CDC16: variants seen among roughly 807,000 people sequenced by gnomAD.
CDC16 encodes cell division cycle protein 16 homolog.
In CDC16, 34 loss-of-function variants were observed where a neutral mutation model predicts 87.0. The ratio of observed to expected loss-of-function variants is 0.39; its 90% CI spans 0.30 to 0.52. The LOEUF (loss-of-function observed/expected upper bound fraction) is 0.52. CDC16 is among the 20% of genes least tolerant of loss of function. CDC16 has a pLI of 0.74. For missense variants in CDC16, 653 were observed against 751.9 expected (o/e 0.87, Z 1.54); for synonymous variants, 263 against 260.6 (o/e 1.01, Z -0.09).
chr13:114,237,907 CAA>C (rs1162577006), intron 3 of CDC16, among the ~76,000 whole-genome samples: 2 of 152,216 alleles, frequency 1.3e-5, no homozygotes, highest in Admixed American at 1.3e-4. Context: ...TATATTCCCA[CAA>C]AGTCATTCAG....
chr13:114,248,164 T>C (rs2081971188), intron 11 of CDC16, among the ~76,000 whole-genome samples: 2 of 152,210 alleles, frequency 1.3e-5, no homozygotes, highest in South Asian at 4.1e-4. Flanking sequence ...TTAACCAGTA[T>C]TATTCAAGTT....
At chr13:114,249,943 A>G (rs2082076212) in intron 11 of CDC16, among the ~76,000 whole-genome samples, 1 of 151,012 alleles carries the variant, frequency 6.6e-6, no homozygotes, top group South Asian at 2.1e-4. Flanking sequence ...CAAATGTTAC[A>G]TTAGTGTTTA....
chr13:114,261,532 G>A (rs773521113), intron 14 of CDC16, among the ~76,000 whole-genome samples: 1 of 151,950 alleles, frequency 6.6e-6, no homozygotes, highest in Non-Finnish European at 1.5e-5. Flanking sequence ...GGTGTGGTGT[G>A]TGGTGCACTA....
Position 114,236,634 on chromosome 13 carries a change from T to G in CDC16, c.49-11T>G. ...GGGCAGTTACCACCTTTTTTTTTTT[T>G]TGGTATGCAGCAACAGTATCAAAGT... On this transcript the variant is annotated splice_polypyrimidine_tract_variant and intron_variant, in intron 1 of 17. Coordinates refer to ENST00000356221, the MANE Select transcript of CDC16 (RefSeq NM_001078645.3). The G allele has an allele frequency of 6.2e-7, 1 of 1,606,864 alleles. No homozygotes were observed. Among genetic ancestry groups the G allele is most frequent in the Non-Finnish European group, 8.5e-7 (1 of 1,178,544 alleles).
In CDC16 at chr13:114,242,295, GC is replaced by G. The variant is rs1169322752; in HGVS notation, c.541+16del. On this transcript the variant is annotated intron_variant, in intron 6 of 17. Coordinates refer to ENST00000356221, the MANE Select transcript of CDC16 (RefSeq NM_001078645.3). ...AGCACAAGAAGGTTTGGAAACTCAG[GC>G]TTTTTTGTTTTATGTTTAGCAAAAT... 2.5e-6 allele frequency: 4 copies of G among 1,594,372 alleles called. No individual in the cohort carries two copies. The Admixed American group carries it at 7.4e-5, about 29-fold the overall frequency.
At chr13:114,256,247 G>A (rs17291355) in intron 12 of CDC16, among the ~76,000 whole-genome samples, 1 of 152,180 alleles carries the variant, frequency 6.6e-6, no homozygotes, top group Non-Finnish European at 1.5e-5. Flanking sequence ...TGCCAGTGTT[G>A]TTGTTGCTTC....
At chr13:114,247,058 C>T (rs2138951359) in intron 11 of CDC16, 54 bp downstream of exon 11, 2 of 1,120,120 alleles carry the variant, frequency 1.8e-6, no homozygotes, top group South Asian at 1.3e-5. Flanking sequence ...ATGTCTTGCT[C>T]ATAAGCTTTC....
intron 5 of CDC16, among the ~76,000 whole-genome samples, chr13:114,240,690 C>G (rs939335148): frequency 6.6e-6 from 1 of 152,086 alleles, no homozygotes; most frequent in Non-Finnish European, 1.5e-5. Context: ...AAGTTTATTA[C>G]TTGACTTTTC....
intron 5 of CDC16, among the ~76,000 whole-genome samples, chr13:114,241,597 T>C (rs2081555817): frequency 6.6e-6 from 1 of 152,238 alleles, no homozygotes; most frequent in Admixed American, 6.5e-5. Flanking sequence ...TAAAGATGTG[T>C]TGGAACAGAG....
Position 114,250,721 on chromosome 13 carries a change from T to C in CDC16, c.1097+47T>C, listed in dbSNP as rs752743788. The C allele has an allele frequency of 1.8e-5, 29 of 1,590,694 alleles. No individual in the cohort carries two copies. The South Asian group carries it at 3.2e-4, about 18-fold the overall frequency. On this transcript the variant is annotated intron_variant, in intron 12 of 17. Coordinates refer to ENST00000356221, the MANE Select transcript of CDC16 (RefSeq NM_001078645.3). ...AAACTCCATGAAGGGATGTTTTTCCTAATAGAAATGAAATTTCTATTACTA... is the reference window on the plus strand; with the variant it reads ...AAACTCCATGAAGGGATGTTTTTCCCAATAGAAATGAAATTTCTATTACTA...
At chr13:114,242,080 A>C (rs951092942) in intron 5 of CDC16, 41 bp from the exon 6 acceptor site, 1 of 1,559,602 alleles carries the variant, frequency 6.4e-7, no homozygotes, top group Non-Finnish European at 8.6e-7. Context: ...GTTAAGTTTA[A>C]AAGTACTGAC....
At chr13:114,260,970 C>A (rs570576353) in intron 14 of CDC16, among the ~76,000 whole-genome samples, 3 of 152,152 alleles carry the variant, frequency 2.0e-5, no homozygotes, top group Non-Finnish European at 4.4e-5. Flanking sequence ...GACCTCAGAT[C>A]AACTGGCGAA....
chr13:114,243,739 A>T, intron 7 of CDC16, 117 bp from the exon 8 acceptor site: 1 of 734,308 alleles, frequency 1.4e-6, no homozygotes, highest in Admixed American at 3.0e-5. Context: ...AAGTTTTCAG[A>T]GGCTCTCACA....
intron 11 of CDC16, among the ~76,000 whole-genome samples, chr13:114,247,501 A>T (rs9525310): frequency 1.3e-5 from 2 of 151,846 alleles, no homozygotes; most frequent in East Asian, 3.9e-4. Context: ...TTTGTTCTTT[A>T]TAAGATGCCA....
At chr13:114,257,825 T>C (rs1459574908) in intron 13 of CDC16, among the ~76,000 whole-genome samples, 4 of 152,196 alleles carry the variant, frequency 2.6e-5, no homozygotes, top group South Asian at 2.1e-4. Context: ...CTCGCTGTGT[T>C]GCCCAGGCTA....
rs1214066297 is a variant in CDC16 at position 114,269,221 on chromosome 13, C to T, written c.1604-2963C>T. Among the ~76,000 whole-genome samples, 3 of 152,136 alleles carry T rather than the reference C, an allele frequency of 2.0e-5. No homozygotes were observed. In the East Asian group the frequency reaches 5.8e-4, roughly 29 times the overall value. Reference sequence around the variant, plus strand: ...GGGTGCTGAGTCTCTCTCTGTGGGGCTTTCATCTTAGGTTTCTTTGTAGCA... The same window carrying T: ...GGGTGCTGAGTCTCTCTCTGTGGGGTTTTCATCTTAGGTTTCTTTGTAGCA... On this transcript the variant is annotated intron_variant, in intron 17 of 17. Transcript: ENST00000356221.
rs747310288 is a variant in CDC16 at position 114,236,839 on chromosome 13, C to T, written c.144C>T (p.Tyr48=). Residue 48 remains tyrosine (Y), a synonymous_variant, in exon 3 of 18, where the codon TAC becomes TAT. Coordinates refer to ENST00000356221, the MANE Select transcript of CDC16 (RefSeq NM_001078645.3). ...QDIYWLAQCL[Y]LTAQYHRAAH... ...TCTATTGGTTGGCTCAGTGTCTTTA[C>T]CTGACAGCACAATATCACAGAGCCG... The T allele has an allele frequency of 1.9e-6, 3 of 1,611,842 alleles. No homozygotes were observed. Among genetic ancestry groups the T allele is most frequent in the Non-Finnish European group, 2.5e-6 (3 of 1,179,292 alleles).
chr13:114,238,041 C>CA (rs1215935053), intron 3 of CDC16, among the ~76,000 whole-genome samples: 1 of 151,444 alleles, frequency 6.6e-6, no homozygotes, highest in Non-Finnish European at 1.5e-5. Flanking sequence ...GTGCTCCAGT[C>CA]ACGTGGTGCT....
chr13:114,239,013 T>G lies in CDC16; in HGVS notation c.225T>G (p.Leu75=), dbSNP rs762937613. 6.2e-7 allele frequency: 1 copy of G among 1,612,164 alleles called. No individual in the cohort carries two copies. Among genetic ancestry groups the G allele is most frequent in the South Asian group, 1.1e-5 (1 of 90,772 alleles). ...LDKLYEACRY[L]AARCHYAAKE... is the part of the protein sequence containing the mutation. ...AGTTGTATGAAGCATGTCGTTACCT[T>G]GCAGCTAGGTGCCATGTAAGTATGC... Residue 75 remains leucine (L), a synonymous_variant, in exon 4 of 18, where the codon CTT becomes CTG. Coordinates refer to ENST00000356221, the MANE Select transcript of CDC16 (RefSeq NM_001078645.3).
Sources: gnomAD v4.1 joint callset for allele counts (sites outside exome capture counted in the v4.1 genomes callset) on GRCh38, gnomAD v4.1.1 for gene constraint, MANE v1.5 for transcripts, NCBI Gene and HGNC (gene_info 2026-07-23, HGNC 2026-07-21) for gene names.